The following NAV3 variants were observed in gnomAD, a reference collection of about 807,000 sequenced individuals.
NAV3 encodes the protein pore membrane and/or filament interacting like protein 1.
In NAV3, 87 loss-of-function variants were observed where a neutral mutation model predicts 244.7. That is an observed-to-expected ratio of 0.36 (90% CI 0.30 to 0.42). NAV3 has a LOEUF of 0.42. Ranked by LOEUF, NAV3 falls within the 20% of genes least tolerant of loss-of-function variation. The probability of loss-of-function intolerance (pLI) is 1.00; values close to 1 mark genes in which losing one functional copy is unlikely to be tolerated. For synonymous variants in NAV3, 1,126 were observed against 1,042.2 expected (o/e 1.08, Z -1.55); for missense variants, 2,663 against 2,893.3 (o/e 0.92, Z 1.83).
chr12:77,576,541 C>A (rs1056127445), intron 2 of NAV3, among the ~76,000 whole-genome samples: 8 of 152,084 alleles, frequency 5.3e-5, no homozygotes, highest in South Asian at 2.1e-4. Flanking sequence ...CAATTTAAAG[C>A]TAGCCTAGTT....
chr12:77,611,589 TCC>T (rs1258946011), intron 2 of NAV3, among the ~76,000 whole-genome samples: 3 of 151,892 alleles, frequency 2.0e-5, no homozygotes, highest in Non-Finnish European at 4.4e-5. Context: ...CCAGTTCTAC[TCC>T]CTAGAAGCAA....
chr12:78,178,041 G>T (rs1387513797), intron 28 of NAV3, among the ~76,000 whole-genome samples: 1 of 151,168 alleles, frequency 6.6e-6, no homozygotes, highest in East Asian at 1.9e-4. Context: ...ACCTACATAT[G>T]ATAAAATTTA....
chr12:78,122,171 C>T lies in NAV3; in HGVS notation c.3981C>T (p.His1327=), dbSNP rs1566167042. The T allele has an allele frequency of 6.2e-7, 1 of 1,614,146 alleles. No homozygotes were observed. The highest frequency in any genetic ancestry group is 1.7e-5 in the Admixed American group (1 of 60,020). ...DLTTDVISLS[H]SLASSPASVH... ...CTACAGATGTTATAAGCTTAAGTCA[C>T]TCGTTGGCCTCCAGCCCAGCATCGG... The change falls in exon 16 of 40, where the codon CAC becomes CAT. Residue 1327 remains histidine (H), a synonymous_variant. Transcript: ENST00000397909.
chr12:77,961,675 T>C (rs1287172347), intron 3 of NAV3, among the ~76,000 whole-genome samples: 1 of 142,180 alleles, frequency 7.0e-6, no homozygotes, highest in African/African-American at 2.6e-5. Flanking sequence ...TACATACATG[T>C]AATATATGTA....
chr12:78,141,155 G>T (rs1348726212), intron 20 of NAV3, among the ~76,000 whole-genome samples: 1 of 152,068 alleles, frequency 6.6e-6, no homozygotes, highest in Non-Finnish European at 1.5e-5. Flanking sequence ...GCCTCCCCAA[G>T]TGCTGGGATT....
chr12:77,603,016 G>T (rs566360565), intron 2 of NAV3, among the ~76,000 whole-genome samples: 2 of 152,142 alleles, frequency 1.3e-5, no homozygotes, highest in South Asian at 4.1e-4. Flanking sequence ...CTGGCAGGGA[G>T]TATAAGCATG....
At chr12:77,677,930 T>C (rs1874279530) in intron 2 of NAV3, among the ~76,000 whole-genome samples, 1 of 151,928 alleles carries the variant, frequency 6.6e-6, no homozygotes, top group Non-Finnish European at 1.5e-5. Context: ...TTATAGTAAA[T>C]AGATTTTTTT....
At position 78,090,348 on chromosome 12, in the gene NAV3, A is replaced by C. The variant is rs373463613; in HGVS notation, c.2637-26424A>C. 9.9e-5 allele frequency among the ~76,000 whole-genome samples: 15 copies of C among 151,706 alleles called. No individual in the cohort carries two copies. The East Asian group carries it at 2.1e-3, about 21-fold the overall frequency. ...TACAAATGATTGTGGATGATATAAT[A>C]CTAAGCAATAAAAAATTCAAACATG... On this transcript the variant is annotated intron_variant, in intron 12 of 39. Transcript: ENST00000397909.
At chr12:78,158,780 G>A (rs1179097033) in intron 22 of NAV3, among the ~76,000 whole-genome samples, 1 of 152,122 alleles carries the variant, frequency 6.6e-6, no homozygotes, top group African/African-American at 2.4e-5. Context: ...ATCTGCAAAG[G>A]TCATCATGAA....
At chr12:77,903,286 A>C (rs924371616) in intron 1 of NAV3, among the ~76,000 whole-genome samples, 2 of 152,132 alleles carry the variant, frequency 1.3e-5, no homozygotes, top group East Asian at 1.9e-4. Context: ...GTACTAGTAC[A>C]AAAACAGAGA....
At chr12:77,574,897 G>A (rs1869006501) in intron 2 of NAV3, among the ~76,000 whole-genome samples, 1 of 151,708 alleles carries the variant, frequency 6.6e-6, no homozygotes, top group East Asian at 1.9e-4. Context: ...TCATTCATAG[G>A]GTGCTTATCA....
At chr12:78,018,251 A>G (rs1473326967) in intron 8 of NAV3, among the ~76,000 whole-genome samples, 1 of 152,156 alleles carries the variant, frequency 6.6e-6, no homozygotes, top group Non-Finnish European at 1.5e-5. Context: ...CAAAAATTTT[A>G]AAAAGGCTTC....
At chr12:77,717,259 C>A (rs1876403939) in intron 2 of NAV3, among the ~76,000 whole-genome samples, 1 of 151,974 alleles carries the variant, frequency 6.6e-6, no homozygotes, top group African/African-American at 2.4e-5. Context: ...ACTCTATACC[C>A]ATTGAACAAC....
intron 23 of NAV3, among the ~76,000 whole-genome samples, chr12:78,164,356 G>A (rs936437976): frequency 1.2e-4 from 18 of 151,946 alleles, no homozygotes; most frequent in Non-Finnish European, 2.2e-4. Flanking sequence ...TTGCTCATTT[G>A]TTACCTCTCT....
At chr12:77,612,303 A>C (rs964759076) in intron 2 of NAV3, among the ~76,000 whole-genome samples, 7 of 152,150 alleles carry the variant, frequency 4.6e-5, no homozygotes, top group Non-Finnish European at 1.0e-4. Context: ...CTTGTAGATA[A>C]TACACAATTT....
intron 9 of NAV3, among the ~76,000 whole-genome samples, chr12:78,040,826 C>G (rs1041620482): frequency 6.6e-6 from 1 of 152,122 alleles, no homozygotes; most frequent in Non-Finnish European, 1.5e-5. Flanking sequence ...CATATTGAAT[C>G]TTAGGTTTAG....
At position 77,680,003 on chromosome 12, in the gene NAV3, C is replaced by T. The variant is rs184353652; in HGVS notation, c.72+107737C>T. Among the ~76,000 whole-genome samples, 182 of 151,364 alleles carry T rather than the reference C, an allele frequency of 1.2e-3. 1 individual carries two copies. Among genetic ancestry groups the T allele is most frequent in the African/African-American group, 4.1e-3 (169 of 41,172 alleles). The stretch of plus-strand genomic sequence containing the variant: ...TTTCATAAGCTGAACTGAGTGAGAA[C>T]GAAAAGAGAGGATTTATAGAAATAA... On this transcript the variant is annotated intron_variant, in intron 2 of 8. Transcript: ENST00000550042.
intron 5 of NAV3, among the ~76,000 whole-genome samples, chr12:77,992,735 C>T (rs1479014): frequency 0.82 from 125,313 of 152,170 alleles, 51,749 homozygotes; most frequent in Admixed American, 0.87. Context: ...GGGAAAAATA[C>T]CATGCCTTTA....
chr12:77,581,199 T>A (rs1209271777), intron 2 of NAV3, among the ~76,000 whole-genome samples: 1 of 152,214 alleles, frequency 6.6e-6, no homozygotes, highest in African/African-American at 2.4e-5. Flanking sequence ...AGAAACCAAT[T>A]TTAGGACTCC....
Sources: gnomAD v4.1 joint callset for allele counts (sites outside exome capture counted in the v4.1 genomes callset) on GRCh38, gnomAD v4.1.1 for gene constraint, MANE v1.5 for transcripts, NCBI Gene and HGNC (gene_info 2026-07-23, HGNC 2026-07-21) for gene names.